Variants in RFX7 observed in about 807,000 individuals in gnomAD.
RFX7 encodes regulatory factor X7, also known as DNA-binding protein RFX7.
RFX7 carries 26 observed loss-of-function variants against 111.8 expected under a neutral mutation model. The observed-to-expected ratio is 0.23, with a 90% confidence interval of 0.17 to 0.32. The LOEUF is 0.32. Among genes scored for constraint, RFX7 ranks in the 10% least tolerant of loss-of-function variants. The pLI is 1.00. For synonymous variants in RFX7, 624 were observed against 624.4 expected, an observed-to-expected ratio of 1.00 and a Z score of 0.01; for missense variants, 1,573 against 1,772.9, an observed-to-expected ratio of 0.89 and a Z score of 2.02.
chr15:56,164,373 T>C (rs368809062), intron 3 of RFX7, among the ~76,000 whole-genome samples: 1 of 152,368 alleles, frequency 6.6e-6, no homozygotes. Flanking sequence ...CTGTTTGTTA[T>C]TACCATCCAG....
At chr15:56,203,535 G>A (rs1359138171) in intron 2 of RFX7, among the ~76,000 whole-genome samples, 1 of 152,134 alleles carries the variant, frequency 6.6e-6, no homozygotes, top group Non-Finnish European at 1.5e-5. Context: ...GAAACCTACT[G>A]GGCTGCATTC....
At chr15:56,129,170 G>A (rs2042181410) in intron 5 of RFX7, among the ~76,000 whole-genome samples, 1 of 152,144 alleles carries the variant, frequency 6.6e-6, no homozygotes, top group Non-Finnish European at 1.5e-5. Context: ...GAGGTCAGGA[G>A]TTTGAGACCA....
At chr15:56,224,694 T>C (rs1212704005) in intron 2 of RFX7, among the ~76,000 whole-genome samples, 1 of 152,166 alleles carries the variant, frequency 6.6e-6, no homozygotes, top group Non-Finnish European at 1.5e-5. Flanking sequence ...CTAAGTTTTT[T>C]TGGGGGTTTT....
intron 2 of RFX7, among the ~76,000 whole-genome samples, chr15:56,200,794 A>G (rs2141180606): frequency 6.6e-6 from 1 of 152,262 alleles, no homozygotes; most frequent in East Asian, 1.9e-4. Flanking sequence ...GCCGTCTCAA[A>G]AAGAAAAAAA....
At chr15:56,145,669 CCA>C (rs1281545887) in intron 3 of RFX7, among the ~76,000 whole-genome samples, 1 of 152,122 alleles carries the variant, frequency 6.6e-6, no homozygotes. Flanking sequence ...TCTCTAGTTT[CCA>C]CAGTGTTCAG....
intron 3 of RFX7, among the ~76,000 whole-genome samples, chr15:56,169,189 G>A (rs1384025158): frequency 1.3e-5 from 2 of 152,174 alleles, no homozygotes; most frequent in Non-Finnish European, 2.9e-5. Flanking sequence ...TGGAGAGGGA[G>A]GGAGCATGAA....
chr15:56,119,859 T>C (rs2042053800), intron 5 of RFX7, among the ~76,000 whole-genome samples: 1 of 152,038 alleles, frequency 6.6e-6, no homozygotes, highest in African/African-American at 2.4e-5. Flanking sequence ...ATTCTGTTCT[T>C]TTGGTCTATG....
chr15:56,187,771 T>A (rs926099589), intron 2 of RFX7, among the ~76,000 whole-genome samples: 4 of 152,184 alleles, frequency 2.6e-5, no homozygotes, highest in Admixed American at 1.3e-4. Context: ...TTTCTGCTGC[T>A]GCCTGTCACA....
Position 56,094,515 on chromosome 15 carries a change from C to A in RFX7, c.3213G>T (p.Gly1071=). Residue 1071 remains glycine (G), a synonymous_variant, in exon 10 of 10, where the codon GGG becomes GGT. Transcript: ENST00000559447. The stretch of plus-strand genomic sequence containing the variant: ...GGCCAGAAACTGATGAATTACCAAC[C>A]CCACTATACCCATTATTCATCCATT... The part of the protein sequence containing the change: ...KLEWMNNGYS[G]VGNSSVSGHG... 2.5e-6 allele frequency: 4 copies of A among 1,613,854 alleles called. No individual in the cohort carries two copies. The highest frequency in any genetic ancestry group is 3.4e-6 in the Non-Finnish European group (4 of 1,179,856).
intron 2 of RFX7, among the ~76,000 whole-genome samples, chr15:56,226,670 G>C (rs577678269): frequency 6.6e-6 from 1 of 152,276 alleles, no homozygotes; most frequent in African/African-American, 2.4e-5. Flanking sequence ...GTAATACAGA[G>C]AGAAAATTGT....
intron 2 of RFX7, chr15:56,192,215 C>A (rs956703062): frequency 1.3e-5 from 2 of 152,752 alleles, no homozygotes; most frequent in African/African-American, 4.8e-5. Flanking sequence ...GGATAGATTA[C>A]AATCAAAATG....
chr15:56,233,196 G>A (rs1347479613), intron 2 of RFX7, among the ~76,000 whole-genome samples: 3 of 152,198 alleles, frequency 2.0e-5, no homozygotes, highest in Admixed American at 6.5e-5. Context: ...GGATGGGGAG[G>A]CCTCATAATC....
chr15:56,162,009 A>G (rs764253282), intron 3 of RFX7, among the ~76,000 whole-genome samples: 2 of 152,018 alleles, frequency 1.3e-5, no homozygotes, highest in Non-Finnish European at 2.9e-5. Flanking sequence ...GGTTATTATC[A>G]ATGTTTCTGT....
At chr15:56,120,918 T>C (rs1162508868) in intron 5 of RFX7, among the ~76,000 whole-genome samples, 1 of 151,614 alleles carries the variant, frequency 6.6e-6, no homozygotes, top group Admixed American at 6.6e-5. Flanking sequence ...TAAAAACTTG[T>C]TGTTGTTTCT....
In RFX7 at chr15:56,093,324, C is replaced by A; in HGVS notation, c.*21G>T. 1.3e-6 allele frequency: 2 copies of A among 1,577,646 alleles called. No homozygotes were observed. Among genetic ancestry groups the A allele is most frequent in the Non-Finnish European group, 8.6e-7 (1 of 1,161,486 alleles). On this transcript the variant is annotated 3_prime_UTR_variant, in exon 10 of 10. Transcript: ENST00000559447. ...TACATATGTCTTTAGATACAGTGTGCTACATGTTATAAAACACAATTTAAC... is the reference window on the plus strand; with the variant it reads ...TACATATGTCTTTAGATACAGTGTGATACATGTTATAAAACACAATTTAAC...
chr15:56,216,544 C>G (rs1241934615), intron 2 of RFX7, among the ~76,000 whole-genome samples: 1 of 152,096 alleles, frequency 6.6e-6, no homozygotes, highest in Admixed American at 6.5e-5. Flanking sequence ...ACATTTAATA[C>G]AAGTTTGCAA....
rs1356203824 is a variant in RFX7 at position 56,098,074 on chromosome 15, A to T, written c.1107+7T>A. The T allele has an allele frequency of 6.2e-7, 1 of 1,610,980 alleles. No homozygotes were observed. Among genetic ancestry groups the T allele is most frequent in the Non-Finnish European group, 8.5e-7 (1 of 1,178,356 alleles). On this transcript the variant is annotated splice_region_variant and intron_variant, in intron 9 of 9. Transcript: ENST00000559447. Reference sequence around the variant, plus strand: ...CAATAAGGCCAAATACTATTTAATTATATTACCGGAATGGGACTAGGGACA... The same window carrying T: ...CAATAAGGCCAAATACTATTTAATTTTATTACCGGAATGGGACTAGGGACA...
intron 3 of RFX7, among the ~76,000 whole-genome samples, chr15:56,171,031 G>C (rs151195761): frequency 1.3e-5 from 2 of 152,208 alleles, no homozygotes; most frequent in Non-Finnish European, 2.9e-5. Context: ...TATGATGATA[G>C]TGTGGAGAAC....
intron 3 of RFX7, among the ~76,000 whole-genome samples, chr15:56,149,792 A>T (rs2042542035): frequency 6.6e-6 from 1 of 151,242 alleles, no homozygotes; most frequent in Non-Finnish European, 1.5e-5. Context: ...ACCGAACTAG[A>T]TGCAGGAGCT....
Sources: gnomAD v4.1 joint callset for allele counts (sites outside exome capture counted in the v4.1 genomes callset) on GRCh38, gnomAD v4.1.1 for gene constraint, MANE v1.5 for transcripts, NCBI Gene and HGNC (gene_info 2026-07-23, HGNC 2026-07-21) for gene names.